Variants in MX1 observed in about 807,000 individuals in gnomAD.
MX1 encodes MX dynamin like GTPase 1, also known as interferon-induced GTP-binding protein Mx1.
In MX1, 66 loss-of-function variants were observed where a neutral mutation model predicts 66.4. The observed-to-expected ratio is 0.99, with a 90% CI of 0.82 to 1.22. The LOEUF is 1.22. MX1 is among the 50% of genes most tolerant of loss of function. MX1 has a pLI of 0.00. For synonymous variants in MX1, 311 were observed against 318.1 expected, an observed-to-expected ratio of 0.98 and a Z score of 0.24; for missense variants, 787 against 834.3, an observed-to-expected ratio of 0.94 and a Z score of 0.70.
chr21:41,429,621 A>C (rs2090156042), intron 3 of MX1: 1 of 152,176 alleles, frequency 6.6e-6, no homozygotes, highest in South Asian at 2.1e-4. Flanking sequence ...CTCCATAAGT[A>C]CCGTTTACAA....
intron 5 of MX1, among the ~76,000 whole-genome samples, chr21:41,433,490 T>C (rs1043716795): frequency 2.0e-5 from 3 of 152,220 alleles, no homozygotes; most frequent in Admixed American, 1.3e-4. Flanking sequence ...AGGAATGAAC[T>C]AGAGTTCCAG....
intron 15 of MX1, 80 bp from the exon 16 acceptor site, chr21:41,452,541 T>C (rs2090857808): frequency 6.8e-7 from 1 of 1,476,322 alleles, no homozygotes; most frequent in East Asian, 2.3e-5. Flanking sequence ...ACCTGGTATT[T>C]ACGGACTTCT....
At chr21:41,457,023 G>A (rs565835706) in intron 16 of MX1, among the ~76,000 whole-genome samples, 237 of 152,364 alleles carry the variant, frequency 1.6e-3, no homozygotes, top group African/African-American at 5.5e-3. Flanking sequence ...GTCTACCAAA[G>A]TGCTGGGTTT....
At chr21:41,454,201 T>C (rs1479546001) in intron 16 of MX1, among the ~76,000 whole-genome samples, 1 of 152,240 alleles carries the variant, frequency 6.6e-6, no homozygotes, top group African/African-American at 2.4e-5. Flanking sequence ...ATATTTGTAT[T>C]TCCTTTAGGG....
upstream of MX1, chr21:41,421,225 A>G (rs191537944): frequency 2.0e-5 from 3 of 152,446 alleles, no homozygotes; most frequent in East Asian, 1.9e-4. Flanking sequence ...ACAAAGCAGT[A>G]TTGCTGCCTG....
At chr21:41,448,572 G>A (rs190132246) in intron 13 of MX1, among the ~76,000 whole-genome samples, 210 of 152,220 alleles carry the variant, frequency 1.4e-3, no homozygotes, top group African/African-American at 4.7e-3. Flanking sequence ...TTGGGAGGCC[G>A]AGGCAGGTGG....
Position 41,446,091 on chromosome 21 carries a change from G to T in MX1, c.1223G>T (p.Arg408Leu). The T allele has an allele frequency of 6.2e-7, 1 of 1,614,166 alleles. No individual in the cohort carries two copies. The highest frequency in any genetic ancestry group is 1.1e-5 in the South Asian group (1 of 91,080). ...GACATTCGGCTGTTTACCAGACTCC[G>T]ACACGAGTTCCACAAATGGAGTACA... ...EEDIRLFTRL[R>L]HEFHKWSTII... The change falls in exon 13 of 17, where the codon CGA becomes CTA. Residue 408 changes from arginine (R) to leucine (L), a missense_variant. Transcript: ENST00000398598.
intron 13 of MX1, among the ~76,000 whole-genome samples, chr21:41,448,415 T>A (rs2090724570): frequency 6.6e-6 from 1 of 152,220 alleles, no homozygotes; most frequent in African/African-American, 2.4e-5. Context: ...TCATTTCTAA[T>A]GGGCATGCAG....
At chr21:41,436,939 G>A (rs978436644) in intron 6 of MX1, 76 bp from the exon 7 acceptor site, 78 of 1,544,144 alleles carry the variant, frequency 5.1e-5, no homozygotes, top group Non-Finnish European at 1.2e-5. Context: ...ATAAAAGTTT[G>A]AGAACCATGG....
At position 41,452,543 on chromosome 21, in the gene MX1, C is replaced by T. The variant is rs140949405; in HGVS notation, c.1510-78C>T. On this transcript the variant is annotated intron_variant, in intron 15 of 16. Transcript: ENST00000398598. The stretch of plus-strand genomic sequence containing the variant: ...CTCACGTTGGGTAACCTGGTATTTA[C>T]GGACTTCTTACCTACTTTCCTGTGA... The T allele has an allele frequency of 1.0e-4, 152 of 1,482,766 alleles. No individual in the cohort carries two copies. In the East Asian group the frequency reaches 2.8e-3, roughly 27 times the overall value. 91.9% of individuals were successfully genotyped at this position (1,482,766 alleles called of 1,614,324 possible).
upstream of MX1, among the ~76,000 whole-genome samples, chr21:41,423,430 T>G (rs1204413292): frequency 6.6e-6 from 1 of 152,200 alleles, no homozygotes; most frequent in Non-Finnish European, 1.5e-5. Flanking sequence ...TGGGTTTCTG[T>G]CTCAATCACT....
At chr21:41,432,428 A>G (rs1025763546) in intron 5 of MX1, among the ~76,000 whole-genome samples, 1 of 152,210 alleles carries the variant, frequency 6.6e-6, no homozygotes, top group Non-Finnish European at 1.5e-5. Flanking sequence ...CAGCTCATCT[A>G]TACTAGAAGG....
rs2090636639 is a variant in MX1 at position 41,445,529 on chromosome 21, A to G, written c.1090A>G (p.Ile364Val). Reference sequence around the variant, plus strand: ...GGAGCTACAAAAGTATGGTGTCGACATACCGGAAGACGAAAATGAAAAAAT... The same window carrying G: ...GGAGCTACAAAAGTATGGTGTCGACGTACCGGAAGACGAAAATGAAAAAAT... ...TEELQKYGVD[I>V]PEDENEKMFF... The change falls in exon 12 of 17, where the codon ATA (isoleucine) becomes GTA (valine). Residue 364 changes from isoleucine (I) to valine (V), a missense_variant. Transcript: ENST00000398598. 1.9e-6 allele frequency: 3 copies of G among 1,614,262 alleles called. No individual in the cohort carries two copies. Among genetic ancestry groups the G allele is most frequent in the Non-Finnish European group, 2.5e-6 (3 of 1,180,048 alleles).
rs1320909499 is a variant in MX1 at position 41,441,198 on chromosome 21, C to G, written c.730+173C>G. The G allele has an allele frequency of 2.8e-5, 28 of 986,840 alleles. No individual in the cohort carries two copies. Among genetic ancestry groups the G allele is most frequent in the Non-Finnish European group, 3.8e-5 (26 of 692,442 alleles). 61.1% of individuals were successfully genotyped at this position (986,840 alleles called of 1,614,324 possible). On this transcript the variant is annotated intron_variant, in intron 9 of 16. Coordinates refer to ENST00000398598, the MANE Select transcript of MX1 (RefSeq NM_002462.5). The surrounding 1 kb of genome is among the most constrained non-coding windows in gnomAD (Gnocchi z 4.0). The stretch of plus-strand genomic sequence containing the variant: ...GGTCTGCCAGTGGGCAAGCGTCCCT[C>G]CAGTCTCCATGGGCTTTGCTCAGTG...
At chr21:41,436,341 C>A (rs971120865) in intron 6 of MX1, among the ~76,000 whole-genome samples, 2 of 152,246 alleles carry the variant, frequency 1.3e-5, no homozygotes, top group Non-Finnish European at 2.9e-5. Context: ...TCTTTAAAGG[C>A]CTTATCTTCA....
chr21:41,431,848 A>T, intron 4 of MX1: 1 of 511,636 alleles, frequency 2.0e-6, no homozygotes, highest in Non-Finnish European at 3.5e-6. Flanking sequence ...TCTTTGGGTC[A>T]CTCTGTTTCT....
In MX1 at chr21:41,439,677, C is replaced by T; in HGVS notation, c.437-17C>T. ...CTAAGCTCTGTTTGGGTTTGATTTT[C>T]CCTGTCTCTTTTCTAGCCCAGAATG... On this transcript the variant is annotated splice_polypyrimidine_tract_variant and intron_variant, in intron 7 of 16. Transcript: ENST00000398598. 1 of 1,611,818 alleles carries T rather than the reference C, an allele frequency of 6.2e-7. No individual in the cohort carries two copies. Among genetic ancestry groups the T allele is most frequent in the South Asian group, 1.1e-5 (1 of 90,938 alleles).
exon 1 of MX1, chr21:41,420,722 C>G (rs1332324808): frequency 6.6e-6 from 1 of 152,350 alleles, no homozygotes; most frequent in African/African-American, 2.4e-5. Flanking sequence ...CCACGCTGTG[C>G]CCGGATCCCA....
At chr21:41,432,596 T>G (rs2090251434) in intron 5 of MX1, among the ~76,000 whole-genome samples, 1 of 152,234 alleles carries the variant, frequency 6.6e-6, no homozygotes, top group Non-Finnish European at 1.5e-5. Flanking sequence ...GACATATTTT[T>G]GGTGGGAACC....
Sources: gnomAD v4.1 joint callset for allele counts (sites outside exome capture counted in the v4.1 genomes callset) on GRCh38, gnomAD v4.1.1 for gene constraint, Gnocchi (gnomAD v3.1) non-coding constraint, MANE v1.5 for transcripts, NCBI Gene and HGNC (gene_info 2026-07-23, HGNC 2026-07-21) for gene names.